PDE11A: variants seen among roughly 807,000 people sequenced by gnomAD.
PDE11A encodes phosphodiesterase 11A.
Under a neutral mutation model 100.5 loss-of-function variants are expected in PDE11A, and 100 were observed. The observed-to-expected ratio is 1.00, with a 90% CI of 0.85 to 1.18. The LOEUF (loss-of-function observed/expected upper bound fraction) is 1.18. Ranked by LOEUF, PDE11A falls within the 50% of genes most tolerant of loss-of-function variation. The probability of loss-of-function intolerance (pLI) is 0.00; values close to 1 mark genes in which losing one functional copy is unlikely to be tolerated. For synonymous variants in PDE11A, 381 were observed against 420.8 expected, an observed-to-expected ratio of 0.91 and a Z score of 1.16; for missense variants, 1,141 against 1,152.6, an observed-to-expected ratio of 0.99 and a Z score of 0.15.
chr2:177,980,975 TACACACACACACAC>T (rs3073403), intron 2 of PDE11A, among the ~76,000 whole-genome samples: 2,038 of 129,770 alleles, frequency 0.016, 70 homozygotes, highest in African/African-American at 0.052. Flanking sequence ...GAGAACTAGA[TACACACACACACAC>T]ACACACACAC....
intron 4 of PDE11A, among the ~76,000 whole-genome samples, chr2:177,881,509 C>T (rs1558989522): frequency 6.6e-6 from 1 of 152,130 alleles, no homozygotes; most frequent in Admixed American, 6.5e-5. Flanking sequence ...GATTCACAGC[C>T]AAATTGACCC....
chr2:177,719,484 C>T (rs1037902398), intron 12 of PDE11A, among the ~76,000 whole-genome samples: 1 of 152,138 alleles, frequency 6.6e-6, no homozygotes, highest in Non-Finnish European at 1.5e-5. Context: ...GTCTTTCTTC[C>T]TCTTCTTCAT....
Position 177,625,723 on chromosome 2 carries a change from T to C in PDE11A, c.*3684A>G, listed in dbSNP as rs2079822487. 1 of 152,316 alleles carries C rather than the reference T, an allele frequency of 6.6e-6. No individual in the cohort carries two copies. The highest frequency in any genetic ancestry group is 2.4e-5 in the African/African-American group (1 of 41,456). The allele number at this position is 152,316 out of a possible 1,614,324, so 9.4% of individuals were successfully genotyped here. On this transcript the variant is annotated 3_prime_UTR_variant, in exon 20 of 20. Coordinates refer to ENST00000286063, the MANE Select transcript of PDE11A (RefSeq NM_016953.4). Reference sequence around the variant, plus strand: ...TAATAATAAGGACTGGGAAACTTCCTTTCTCTTTTTTGGAAAAGCAGATTA... The same window carrying C: ...TAATAATAAGGACTGGGAAACTTCCCTTCTCTTTTTTGGAAAAGCAGATTA...
Position 177,701,162 on chromosome 2 carries a change from G to C in PDE11A, c.2203C>G (p.His735Asp). ...ATCACGGCGTGGTTGAAATGGTGATGCTCCAAGGTAGCAGAGGTTCCATAG... is the reference window on the plus strand; with the variant it reads ...ATCACGGCGTGGTTGAAATGGTGATCCTCCAAGGTAGCAGAGGTTCCATAG... ...QLYGTSATLE[H>D]HHFNHAVMIL... The change falls in exon 14 of 20, where the codon CAT (histidine) becomes GAT (aspartate). Residue 735 changes from histidine to aspartate, a missense_variant. His to Asp is a moderately conservative substitution (Grantham distance 81). Coordinates refer to ENST00000286063, the MANE Select transcript of PDE11A (RefSeq NM_016953.4). The C allele has an allele frequency of 6.2e-7, 1 of 1,608,046 alleles. No homozygotes were observed. The highest frequency in any genetic ancestry group is 1.7e-5 in the Admixed American group (1 of 59,986).
At position 177,981,587 on chromosome 2, in the gene PDE11A, C is replaced by A. The variant is rs1220475004; in HGVS notation, c.1071+32715G>T. Among the ~76,000 whole-genome samples the A allele has an allele frequency of 2.0e-5, 3 of 150,734 alleles. No homozygotes were observed. In the East Asian group the frequency reaches 5.8e-4, roughly 29 times the overall value. The stretch of plus-strand genomic sequence containing the variant: ...ACCAGTCATATTGGATTAGGGTCTA[C>A]CCTAATGAACTCATTTTGACTTGAT... On this transcript the variant is annotated intron_variant, in intron 2 of 19. Coordinates refer to ENST00000286063, the MANE Select transcript of PDE11A (RefSeq NM_016953.4).
chr2:177,748,931 A>C (rs2081990359), intron 10 of PDE11A, among the ~76,000 whole-genome samples: 1 of 152,238 alleles, frequency 6.6e-6, no homozygotes, highest in African/African-American at 2.4e-5. Context: ...ATATTGATAA[A>C]ATTATTGTTC....
rs60572849 is a variant in PDE11A, at chr2:177,819,860, T to TTCTCTTTCTCTCTCTCTCTCTCTCTC, written c.1576+359_1576+360insGAGAGAGAGAGAGAGAGAGAAAGAGA. On this transcript the variant is annotated intron_variant, in intron 7 of 19. Transcript: ENST00000286063. Reference sequence around the variant, plus strand: ...CTTGAAGTCATTTCTCTTTCTCTCTTTCTCTCTTTCTCTCTCTCTCTCTCT... The same window carrying TTCTCTTTCTCTCTCTCTCTCTCTCTC: ...CTTGAAGTCATTTCTCTTTCTCTCTTTCTCTTTCTCTCTCTCTCTCTCTCTCTCTCTCTTTCTCTCTCTCTCTCTCT... Among the ~76,000 whole-genome samples, 190 of 102,152 alleles carry TTCTCTTTCTCTCTCTCTCTCTCTCTC rather than the reference T, an allele frequency of 1.9e-3. 3 individuals carry two copies. Among genetic ancestry groups the TTCTCTTTCTCTCTCTCTCTCTCTCTC allele is most frequent in the Admixed American group, 3.2e-3 (27 of 8,524 alleles). The allele number at this position is 102,152 out of a possible 152,430, so 67.0% of individuals were successfully genotyped here.
At chr2:177,771,785 C>G (rs1207055746) in intron 9 of PDE11A, among the ~76,000 whole-genome samples, 1 of 151,924 alleles carries the variant, frequency 6.6e-6, no homozygotes, top group East Asian at 1.9e-4. Flanking sequence ...GGCAGATCAC[C>G]TGAGGTGAGG....
intron 1 of PDE11A, among the ~76,000 whole-genome samples, chr2:178,027,142 CAA>C (rs1559046602): frequency 6.6e-6 from 1 of 151,902 alleles, no homozygotes; most frequent in Non-Finnish European, 1.5e-5. Context: ...CAAGAAGTAA[CAA>C]AAGTCTTTTA....
At chr2:177,778,184 T>G (rs1053552832) in intron 9 of PDE11A, among the ~76,000 whole-genome samples, 5 of 152,204 alleles carry the variant, frequency 3.3e-5, no homozygotes, top group African/African-American at 2.4e-5. Flanking sequence ...GGCAGAGCTA[T>G]GAGATAGGAC....
intron 7 of PDE11A, among the ~76,000 whole-genome samples, chr2:177,818,522 A>C (rs1020632865): frequency 3.3e-5 from 5 of 152,006 alleles, no homozygotes; most frequent in African/African-American, 1.2e-4. Context: ...CTACCTAAGA[A>C]GGTTATGAAG....
intron 9 of PDE11A, among the ~76,000 whole-genome samples, chr2:177,815,374 GAC>G (rs1418032882): frequency 6.6e-6 from 1 of 152,154 alleles, no homozygotes; most frequent in Non-Finnish European, 1.5e-5. Context: ...TCTGCACACA[GAC>G]CTTAATGCTA....
chr2:177,654,610 A>G (rs1392748939), intron 19 of PDE11A, among the ~76,000 whole-genome samples: 1 of 152,182 alleles, frequency 6.6e-6, no homozygotes, highest in African/African-American at 2.4e-5. Flanking sequence ...AGCAGAATAC[A>G]CTCATGTACC....
At chr2:178,058,018 C>T (rs982547256) in intron 1 of PDE11A, among the ~76,000 whole-genome samples, 11 of 152,032 alleles carry the variant, frequency 7.2e-5, no homozygotes, top group Admixed American at 2.0e-4. Flanking sequence ...CCACCGTGCC[C>T]GGCCAATTTT....
Position 177,998,856 on chromosome 2 carries a change from C to A in PDE11A, c.1071+15446G>T, listed in dbSNP as rs56230218. On this transcript the variant is annotated intron_variant, in intron 2 of 19. Transcript: ENST00000286063. Reference sequence around the variant, plus strand: ...CCTCAGCACTTCTCCAAGCCCACTACCTGCACTATTACACCCAACTGGATG... The same window carrying A: ...CCTCAGCACTTCTCCAAGCCCACTAACTGCACTATTACACCCAACTGGATG... The A allele has an allele frequency of 8.8e-3, 5,339 of 607,444 alleles. 215 individuals carry two copies. Among genetic ancestry groups the A allele is most frequent in the African/African-American group, 0.087 (4,727 of 54,170 alleles). 37.6% of individuals were successfully genotyped at this position (607,444 alleles called of 1,614,324 possible). A position where few individuals can be genotyped will look rare whatever the true frequency, so the allele number is the denominator to read the frequency against.
chr2:178,053,126 G>A (rs190773978), intron 1 of PDE11A, among the ~76,000 whole-genome samples: 72 of 152,274 alleles, frequency 4.7e-4, no homozygotes, highest in Non-Finnish European at 9.4e-4. Flanking sequence ...TAAAATACTG[G>A]CAAACTGAAT....
chr2:177,984,247 C>A (rs755465103), intron 2 of PDE11A, among the ~76,000 whole-genome samples: 4 of 152,144 alleles, frequency 2.6e-5, no homozygotes, highest in Non-Finnish European at 4.4e-5. Context: ...TGATGCATAG[C>A]AAACTGCATG....
At chr2:177,694,172 C>T (rs1039241770) in intron 15 of PDE11A, among the ~76,000 whole-genome samples, 3 of 152,186 alleles carry the variant, frequency 2.0e-5, no homozygotes, top group Non-Finnish European at 4.4e-5. Context: ...AATGAGAAAA[C>T]GAGTTGCAAC....
chr2:177,903,037 G>A (rs1006061563), intron 3 of PDE11A, among the ~76,000 whole-genome samples: 1 of 152,140 alleles, frequency 6.6e-6, no homozygotes, highest in African/African-American at 2.4e-5. Flanking sequence ...CACTCAGAAT[G>A]AAAGCCAAAG....
Sources: allele counts gnomAD v4.1 joint callset (sites outside exome capture counted in the v4.1 genomes callset), GRCh38; gene constraint gnomAD v4.1.1; transcripts MANE v1.5; gene names NCBI Gene and HGNC (gene_info 2026-07-23, HGNC 2026-07-21).